LPXN: variants seen among roughly 807,000 people sequenced by gnomAD.
The protein encoded by LPXN is leupaxin.
LPXN carries 28 observed loss-of-function variants against 45.6 expected under a neutral mutation model. The ratio of observed to expected loss-of-function variants is 0.61; its 90% confidence interval spans 0.45 to 0.84. The LOEUF is 0.84. Ranked by LOEUF, LPXN falls within the 40% of genes least tolerant of loss-of-function variation. The probability of loss-of-function intolerance (pLI) is 0.00; values close to 1 mark genes in which losing one functional copy is unlikely to be tolerated. For missense variants in LPXN, 459 were observed against 475.0 expected, an observed-to-expected ratio of 0.97 and a Z score of 0.31; for synonymous variants, 166 against 169.9, an observed-to-expected ratio of 0.98 and a Z score of 0.18.
At chr11:58,549,891 T>A (rs1355166064) in intron 6 of LPXN, 24 bp from the exon 7 acceptor site, 9 of 1,613,810 alleles carry the variant, frequency 5.6e-6, no homozygotes, top group Non-Finnish European at 7.6e-6. Flanking sequence ...ACACAGATAT[T>A]ATAATGATGC....
At chr11:58,577,736 G>A (rs1006558259), upstream of LPXN, among the ~76,000 whole-genome samples, 1 of 151,982 alleles carries the variant, frequency 6.6e-6, no homozygotes, top group Non-Finnish European at 1.5e-5. Flanking sequence ...CAGAGCTTAA[G>A]AGACCCTTCA....
chr11:58,548,680 C>T (rs772731649), intron 7 of LPXN, among the ~76,000 whole-genome samples: 115 of 152,170 alleles, frequency 7.6e-4, no homozygotes, highest in Non-Finnish European at 6.2e-4. Flanking sequence ...ATTCTAAATA[C>T]CACGCTTGTA....
intron 3 of LPXN, among the ~76,000 whole-genome samples, chr11:58,558,540 C>CAAAAAAAAAAAAA (rs35870490): frequency 4.2e-5 from 2 of 48,016 alleles, no homozygotes; most frequent in East Asian, 6.5e-4. Context: ...GAGACCCTGT[C>CAAAAAAAAAAAAA]AAAAAAAAAA....
intron 4 of LPXN, 71 bp downstream of exon 4, chr11:58,554,770 G>A: frequency 9.1e-7 from 1 of 1,099,640 alleles, no homozygotes; most frequent in East Asian, 2.6e-5. Context: ...ATAAACTGGT[G>A]ACCCCATGGG....
In LPXN at chr11:58,563,640, G is replaced by A. The variant is rs746599320; in HGVS notation, c.218+515C>T. On this transcript the variant is annotated intron_variant, in intron 3 of 8. Coordinates refer to ENST00000395074, the MANE Select transcript of LPXN (RefSeq NM_004811.3). Reference sequence around the variant, plus strand: ...TTAGCCAGGAGAAATGATTTAGTAAGTGTATCTGTTTTAATATGGAACTTC... The same window carrying A: ...TTAGCCAGGAGAAATGATTTAGTAAATGTATCTGTTTTAATATGGAACTTC... 1.2e-3 allele frequency among the ~76,000 whole-genome samples: 179 copies of A among 152,208 alleles called. 3 individuals are homozygous for A. Among genetic ancestry groups the A allele is most frequent in the Non-Finnish European group, 4.7e-4 (32 of 68,046 alleles).
intron 7 of LPXN, among the ~76,000 whole-genome samples, chr11:58,542,947 C>T (rs1317320161): frequency 6.6e-6 from 1 of 152,104 alleles, no homozygotes. Flanking sequence ...ACAAAATTAA[C>T]TAATTAATCC....
At chr11:58,549,925 G>C in intron 6 of LPXN, 48 bp downstream of exon 6, 5 of 1,613,716 alleles carry the variant, frequency 3.1e-6, no homozygotes, top group Non-Finnish European at 4.2e-6. Context: ...CATGACTCTG[G>C]TTCTAAGTGA....
Position 58,549,755 on chromosome 11 carries a change from G to A in LPXN, c.742+31C>T, listed in dbSNP as rs764613485. On this transcript the variant is annotated intron_variant, in intron 7 of 8. Coordinates refer to ENST00000395074, the MANE Select transcript of LPXN (RefSeq NM_004811.3). ...TGGTCTTATAACTACCCACTGGGGT[G>A]TGGGATACAGCCTCTCAAGTCGGGT... The A allele has an allele frequency of 3.1e-6, 5 of 1,600,038 alleles. No individual in the cohort carries two copies. In the South Asian group the frequency reaches 5.5e-5, roughly 18 times the overall value.
At chr11:58,537,150 C>T (rs1376055405) in intron 7 of LPXN, among the ~76,000 whole-genome samples, 2 of 152,208 alleles carry the variant, frequency 1.3e-5, no homozygotes, top group Non-Finnish European at 2.9e-5. Context: ...ACTCAGCAAT[C>T]CCATTACTGG....
At chr11:58,535,468 AC>A (rs1365519811) in intron 7 of LPXN, among the ~76,000 whole-genome samples, 1 of 152,032 alleles carries the variant, frequency 6.6e-6, no homozygotes, top group African/African-American at 2.4e-5. Context: ...AAAATTTAAC[AC>A]CCCTTCATGA....
chr11:58,565,795 G>A (rs895366558), intron 2 of LPXN, among the ~76,000 whole-genome samples: 5 of 151,962 alleles, frequency 3.3e-5, no homozygotes, highest in Admixed American at 3.3e-4. Flanking sequence ...GACCAGCCTG[G>A]TGTCATGTGA....
At chr11:58,551,668 T>C (rs1257272162) in intron 4 of LPXN, among the ~76,000 whole-genome samples, 1 of 152,102 alleles carries the variant, frequency 6.6e-6, no homozygotes, top group Non-Finnish European at 1.5e-5. Context: ...CCTCATGGAA[T>C]TGCATTCTGT....
chr11:58,547,345 A>C (rs1220024165), intron 7 of LPXN, among the ~76,000 whole-genome samples: 1 of 152,216 alleles, frequency 6.6e-6, no homozygotes, highest in Non-Finnish European at 1.5e-5. Context: ...AAGAAACATG[A>C]CAAGGAGAGA....
intron 1 of LPXN, among the ~76,000 whole-genome samples, chr11:58,571,145 C>G (rs1854683580): frequency 6.6e-6 from 1 of 151,898 alleles, no homozygotes; most frequent in African/African-American, 2.4e-5. Context: ...AGTTCCAGAC[C>G]AGGGCAACAT....
intron 2 of LPXN, among the ~76,000 whole-genome samples, chr11:58,569,593 T>G (rs1162859107): frequency 6.6e-6 from 1 of 152,090 alleles, no homozygotes; most frequent in African/African-American, 2.4e-5. Flanking sequence ...TCTCACCATA[T>G]GGCCCAGGCT....
chr11:58,535,484 A>G (rs1565185705), intron 7 of LPXN, among the ~76,000 whole-genome samples: 1 of 152,234 alleles, frequency 6.6e-6, no homozygotes, highest in Non-Finnish European at 1.5e-5. Flanking sequence ...TCATGATAAA[A>G]TCTCTTAATA....
chr11:58,544,604 C>T (rs556695618), intron 7 of LPXN, among the ~76,000 whole-genome samples: 2 of 152,128 alleles, frequency 1.3e-5, no homozygotes, highest in Non-Finnish European at 2.9e-5. Context: ...AAAGCAATCA[C>T]CCAAACTTGC....
chr11:58,578,117 G>A (rs1854963521), upstream of LPXN: 1 of 1,525,462 alleles, frequency 6.6e-7, no homozygotes, highest in Admixed American at 2.2e-5. Context: ...CAGTTACGCA[G>A]ACACCCCGAG....
chr11:58,527,260 A>T lies in LPXN; in HGVS notation c.*194T>A, dbSNP rs1203660820. On this transcript the variant is annotated 3_prime_UTR_variant, in exon 9 of 9. Coordinates refer to ENST00000395074, the MANE Select transcript of LPXN (RefSeq NM_004811.3). ...GGGAGAAAGAGAATTTATAGAATTA[A>T]CTGTATAGAAGCCTAAAAAATAAGA... 1 of 569,850 alleles carries T rather than the reference A, an allele frequency of 1.8e-6. No individual in the cohort carries two copies. The highest frequency in any genetic ancestry group is 3.1e-6 in the Non-Finnish European group (1 of 323,598). The allele number at this position is 569,850 out of a possible 1,614,324, so 35.3% of individuals were successfully genotyped here.
Sources: gnomAD v4.1 joint callset for allele counts (sites outside exome capture counted in the v4.1 genomes callset) on GRCh38, gnomAD v4.1.1 for gene constraint, MANE v1.5 for transcripts, NCBI Gene and HGNC (gene_info 2026-07-23, HGNC 2026-07-21) for gene names.